The following OPCML variants were observed in gnomAD, a reference collection of about 807,000 sequenced individuals.
OPCML encodes opioid binding protein/cell adhesion molecule like.
Under a neutral mutation model 37.8 loss-of-function variants are expected in OPCML, and 13 were observed. The observed-to-expected ratio is 0.34, with a 90% CI of 0.22 to 0.55. The LOEUF (loss-of-function observed/expected upper bound fraction) is 0.55, where lower values mean the gene tolerates loss of function less well. Ranked by LOEUF, OPCML falls within the 20% of genes least tolerant of loss-of-function variation. OPCML has a pLI of 0.91. For synonymous variants in OPCML, 176 were observed against 168.8 expected, an observed-to-expected ratio of 1.04 and a Z score of -0.33; for missense variants, 341 against 435.6, an observed-to-expected ratio of 0.78 and a Z score of 1.93.
intron 3 of OPCML, among the ~76,000 whole-genome samples, chr11:132,568,039 TGTGC>T (rs1169244872): frequency 9.3e-4 from 134 of 143,504 alleles, no homozygotes; most frequent in African/African-American, 3.3e-3. Flanking sequence ...TGTGTGTGTG[TGTGC>T]GCGCGCGCGC....
chr11:133,043,438 T>C (rs1947946176), intron 1 of OPCML, among the ~76,000 whole-genome samples: 1 of 152,150 alleles, frequency 6.6e-6, no homozygotes, highest in Non-Finnish European at 1.5e-5. Context: ...AGCTCTGAAA[T>C]TAACCAGCCT....
At chr11:133,105,054 T>C (rs1949136847) in intron 1 of OPCML, among the ~76,000 whole-genome samples, 1 of 152,248 alleles carries the variant, frequency 6.6e-6, no homozygotes, top group African/African-American at 2.4e-5. Context: ...GAATTTGATA[T>C]GTATCCTTAA....
intron 3 of OPCML, among the ~76,000 whole-genome samples, chr11:132,638,541 C>A (rs943925024): frequency 1.3e-5 from 2 of 152,112 alleles, no homozygotes; most frequent in African/African-American, 2.4e-5. Context: ...TAAAAGATAA[C>A]CAGCTGTTGT....
At chr11:132,992,292 C>T (rs772137348) in intron 1 of OPCML, among the ~76,000 whole-genome samples, 1 of 151,752 alleles carries the variant, frequency 6.6e-6, no homozygotes, top group African/African-American at 2.4e-5. Context: ...CTCACTCATC[C>T]GGACACATAT....
At chr11:133,416,051 A>G (rs1945756216) in intron 1 of OPCML, among the ~76,000 whole-genome samples, 1 of 152,218 alleles carries the variant, frequency 6.6e-6, no homozygotes, top group Admixed American at 6.5e-5. Flanking sequence ...AGCCAGACCC[A>G]TACGAGACTT....
chr11:133,218,669 A>G (rs1668835765), intron 1 of OPCML, among the ~76,000 whole-genome samples: 1 of 152,152 alleles, frequency 6.6e-6, no homozygotes, highest in South Asian at 2.1e-4. Flanking sequence ...AGAGACACAC[A>G]TGCAACTGCC....
chr11:132,703,957 C>A (rs1218412872), intron 2 of OPCML, among the ~76,000 whole-genome samples: 1 of 152,164 alleles, frequency 6.6e-6, no homozygotes, highest in East Asian at 1.9e-4. Flanking sequence ...CGGAAGTAGA[C>A]CTGGTGGCTG....
chr11:132,775,204 T>G (rs1240056726), intron 2 of OPCML, among the ~76,000 whole-genome samples: 1 of 152,226 alleles, frequency 6.6e-6, no homozygotes, highest in African/African-American at 2.4e-5. Flanking sequence ...CATCGATGAC[T>G]ATGGTAGCTG....
intron 7 of OPCML, among the ~76,000 whole-genome samples, chr11:132,430,906 A>C (rs2095994547): frequency 6.6e-6 from 1 of 152,144 alleles, no homozygotes; most frequent in African/African-American, 2.4e-5. Context: ...CACTAAGGAC[A>C]GGATGGGGGG....
At chr11:132,550,638 G>C (rs1203403561) in intron 3 of OPCML, among the ~76,000 whole-genome samples, 1 of 152,174 alleles carries the variant, frequency 6.6e-6, no homozygotes, top group Non-Finnish European at 1.5e-5. Flanking sequence ...TGGCCTAAGA[G>C]GGCATCTCTA....
At chr11:133,350,362 A>C (rs1330624636) in intron 1 of OPCML, among the ~76,000 whole-genome samples, 1 of 152,186 alleles carries the variant, frequency 6.6e-6, no homozygotes, top group African/African-American at 2.4e-5. Context: ...TATTTCAAGA[A>C]ATTGACAATT....
intron 4 of OPCML, among the ~76,000 whole-genome samples, chr11:132,480,491 A>C (rs2096175775): frequency 6.6e-6 from 1 of 152,210 alleles, no homozygotes; most frequent in African/African-American, 2.4e-5. Context: ...AAGGCAGGCC[A>C]ACATTCAGAT....
intron 1 of OPCML, among the ~76,000 whole-genome samples, chr11:133,246,084 A>C (rs1436615835): frequency 6.6e-6 from 1 of 152,114 alleles, no homozygotes; most frequent in Non-Finnish European, 1.5e-5. Flanking sequence ...TATGTAAAAA[A>C]CCACTTTCTG....
chr11:132,490,352 C>T (rs1368307390), intron 4 of OPCML, among the ~76,000 whole-genome samples: 1 of 152,108 alleles, frequency 6.6e-6, no homozygotes, highest in African/African-American at 2.4e-5. Context: ...TCCTACTTCA[C>T]TGGAACTGCC....
At chr11:133,137,020 C>T (rs1347691260) in intron 1 of OPCML, among the ~76,000 whole-genome samples, 1 of 151,774 alleles carries the variant, frequency 6.6e-6, no homozygotes, top group South Asian at 2.1e-4. Flanking sequence ...AAAGAATTTG[C>T]ATATTTGCAG....
intron 2 of OPCML, among the ~76,000 whole-genome samples, chr11:132,832,195 C>T (rs1264547587): frequency 1.3e-5 from 2 of 150,068 alleles, no homozygotes; most frequent in Non-Finnish European, 3.0e-5. Flanking sequence ...AGTTAAGCAT[C>T]TAATTACATG....
chr11:132,436,321 T>C, intron 6 of OPCML, 84 bp from the exon 7 acceptor site: 1 of 1,605,818 alleles, frequency 6.2e-7, no homozygotes, highest in Non-Finnish European at 8.5e-7. Flanking sequence ...ACTAATCTCG[T>C]CCTTCAAACT....
At chr11:133,099,604 C>A (rs1949057685) in intron 1 of OPCML, among the ~76,000 whole-genome samples, 1 of 151,896 alleles carries the variant, frequency 6.6e-6, no homozygotes. Flanking sequence ...TTAATAACAG[C>A]CATTCTGACC....
At chr11:133,241,519 T>G (rs1940730197) in intron 1 of OPCML, among the ~76,000 whole-genome samples, 1 of 152,246 alleles carries the variant, frequency 6.6e-6, no homozygotes, top group African/African-American at 2.4e-5. Context: ...TATCGTCATA[T>G]ATCATATCAT....
Sources: gnomAD v4.1 joint callset for allele counts (sites outside exome capture counted in the v4.1 genomes callset) on GRCh38, gnomAD v4.1.1 for gene constraint, MANE v1.5 for transcripts, NCBI Gene and HGNC (gene_info 2026-07-23, HGNC 2026-07-21) for gene names.